Variants in B9D1 observed in about 807,000 individuals in gnomAD.
B9D1 encodes B9 domain-containing protein 1.
In B9D1, 20 loss-of-function variants were observed where a neutral mutation model predicts 26.1. The observed-to-expected ratio is 0.77, with a 90% CI of 0.54 to 1.12. B9D1 has a LOEUF of 1.12. Among genes scored for constraint, B9D1 ranks in the 50% most tolerant of loss-of-function variants. B9D1 has a pLI of 0.00. For missense variants in B9D1, 260 were observed against 273.7 expected (o/e 0.95, Z 0.35); for synonymous variants, 105 against 103.1 (o/e 1.02, Z -0.11).
At chr17:19,375,425 C>T (rs1470137130) in intron 1 of B9D1, among the ~76,000 whole-genome samples, 4 of 152,078 alleles carry the variant, frequency 2.6e-5, no homozygotes, top group Non-Finnish European at 5.9e-5. Context: ...AATGACGTAT[C>T]ACTTCACACC....
intron 3 of B9D1, among the ~76,000 whole-genome samples, chr17:19,348,950 G>A (rs543288547): frequency 6.6e-6 from 1 of 152,064 alleles, no homozygotes; most frequent in Non-Finnish European, 1.5e-5. Flanking sequence ...CCTTCCTCTG[G>A]GGGCCACGCA....
chr17:19,344,743 G>A (rs759959994), intron 5 of B9D1, among the ~76,000 whole-genome samples: 5 of 152,220 alleles, frequency 3.3e-5, no homozygotes, highest in East Asian at 3.9e-4. Context: ...GGGCACCAGC[G>A]CTCACCTGGG....
chr17:19,363,511 G>C (rs1226554380), upstream of B9D1: 1 of 152,272 alleles, frequency 6.6e-6, no homozygotes, highest in African/African-American at 2.4e-5. Flanking sequence ...GCAAAGGCAG[G>C]TAAGTAGCTA....
chr17:19,335,515 A>C, downstream of B9D1: 1 of 1,529,734 alleles, frequency 6.5e-7, no homozygotes, highest in Non-Finnish European at 8.8e-7. Context: ...GCTCAGGCTA[A>C]AGATGGGGAT....
At chr17:19,357,713 G>T in intron 3 of B9D1, 127 bp downstream of exon 3, 1 of 756,566 alleles carries the variant, frequency 1.3e-6, no homozygotes, top group Non-Finnish European at 2.4e-6. Flanking sequence ...GAACGTTGAG[G>T]GCTGCTTCAA....
downstream of B9D1, chr17:19,337,717 C>A: frequency 6.5e-7 from 1 of 1,534,758 alleles, no homozygotes. Context: ...TCTTGAAACA[C>A]TGCTATCTTT....
At chr17:19,369,421 A>G (rs772040941) in intron 1 of B9D1, among the ~76,000 whole-genome samples, 4 of 152,228 alleles carry the variant, frequency 2.6e-5, no homozygotes, top group Non-Finnish European at 5.9e-5. Flanking sequence ...AAATTGGCCA[A>G]TGCAACAATC....
chr17:19,349,832 A>G (rs1909350958), intron 3 of B9D1, among the ~76,000 whole-genome samples: 1 of 152,222 alleles, frequency 6.6e-6, no homozygotes, highest in African/African-American at 2.4e-5. Context: ...GTCCTGCCAG[A>G]AAATCTTCCC....
chr17:19,357,788 GT>G lies in B9D1; in HGVS notation c.244+51del. ...GGATGAGGCAGAGGCTGTCTTGGGGGTGCTGTGTGAAAGCTCTGCCACCCTA... is the reference window on the plus strand; with the variant it reads ...GGATGAGGCAGAGGCTGTCTTGGGGGGCTGTGTGAAAGCTCTGCCACCCTA... On this transcript the variant is annotated intron_variant, in intron 3 of 6. Coordinates refer to ENST00000261499, the MANE Select transcript of B9D1 (RefSeq NM_015681.6). 3.8e-6 allele frequency: 5 copies of G among 1,305,206 alleles called. No homozygotes were observed. In the South Asian group the frequency reaches 5.9e-5, roughly 15 times the overall value. 80.9% of individuals were successfully genotyped at this position (1,305,206 alleles called of 1,614,324 possible). A position where few individuals can be genotyped will look rare whatever the true frequency, so the allele number is the denominator to read the frequency against.
At position 19,377,228 on chromosome 17, in the gene B9D1, T is replaced by TTGAG. The variant is rs1912175423; in HGVS notation, c.-298+630_-298+631insCTCA. 2.0e-5 allele frequency among the ~76,000 whole-genome samples: 3 copies of TTGAG among 152,362 alleles called. No homozygotes were observed. In the South Asian group the frequency reaches 6.2e-4, roughly 32 times the overall value. On this transcript the variant is annotated intron_variant, in intron 1 of 5. Coordinates refer to the B9D1 transcript ENST00000477478. ...AAATTGACTTGAGACTTGTCTCAGA[T>TTGAG]ACTTGGTTCACATAGGTTTCTTTTA...
intron 3 of B9D1, among the ~76,000 whole-genome samples, chr17:19,355,005 T>C (rs1336054424): frequency 6.6e-6 from 1 of 152,172 alleles, no homozygotes; most frequent in African/African-American, 2.4e-5. Context: ...CCTTCCAATA[T>C]TGTCTCCAGC....
upstream of B9D1, chr17:19,363,060 G>C (rs1911346328): frequency 1.5e-5 from 3 of 206,292 alleles, no homozygotes; most frequent in African/African-American, 2.3e-5. Context: ...CGAGGACGCG[G>C]AGGGAGGCGC....
chr17:19,342,397 G>A (rs1908071928), downstream of B9D1, among the ~76,000 whole-genome samples: 1 of 152,152 alleles, frequency 6.6e-6, no homozygotes, highest in Admixed American at 6.5e-5. Flanking sequence ...CATGGGCGAG[G>A]CTGGGAGGTG....
intron 3 of B9D1, among the ~76,000 whole-genome samples, chr17:19,352,402 T>C (rs1367864375): frequency 1.3e-5 from 2 of 151,968 alleles, no homozygotes; most frequent in Non-Finnish European, 2.9e-5. Context: ...CGGAGTGAAG[T>C]GGCACAATCT....
downstream of B9D1, among the ~76,000 whole-genome samples, chr17:19,339,562 T>A (rs1267781370): frequency 1.3e-5 from 2 of 152,216 alleles, no homozygotes; most frequent in Non-Finnish European, 2.9e-5. Context: ...TTCATATCAT[T>A]TGCAATAGAA....
chr17:19,361,779 G>T (rs1030466762), intron 1 of B9D1, among the ~76,000 whole-genome samples: 2 of 152,208 alleles, frequency 1.3e-5, no homozygotes, highest in Non-Finnish European at 1.5e-5. Flanking sequence ...CAACAGCCTG[G>T]AAGGACAGTG....
At chr17:19,376,855 A>G (rs918134524) in intron 1 of B9D1, among the ~76,000 whole-genome samples, 1 of 151,830 alleles carries the variant, frequency 6.6e-6, no homozygotes, top group Admixed American at 6.6e-5. Flanking sequence ...AAAAAACCCT[A>G]GGTCTCCACA....
chr17:19,375,917 CA>C (rs1912077413), intron 1 of B9D1, among the ~76,000 whole-genome samples: 1 of 152,066 alleles, frequency 6.6e-6, no homozygotes, highest in African/African-American at 2.4e-5. Flanking sequence ...AAAACATGTC[CA>C]CAAAAAAACT....
rs2152276184 is a variant in B9D1 at position 19,360,349 on chromosome 17, C to T, written c.103G>A (p.Val35Met). The T allele has an allele frequency of 1.2e-6, 2 of 1,613,946 alleles. No homozygotes were observed. Among genetic ancestry groups the T allele is most frequent in the Middle Eastern group, 1.6e-4 (1 of 6,062 alleles). Residue 35 changes from valine to methionine, a missense_variant, in exon 2 of 7, where the codon GTG becomes ATG. Val to Met is a conservative substitution (Grantham distance 21). Transcript: ENST00000261499. The part of the protein sequence containing the change: ...YDDLYCKYCF[V>M]YGQDWAPTAG... ...GTGGGGGCCCAGTCCTGGCCGTACA[C>T]AAAGCAGTACTTGCAGTAGAGGTCA...
Sources: allele counts gnomAD v4.1 joint callset (sites outside exome capture counted in the v4.1 genomes callset), GRCh38; gene constraint gnomAD v4.1.1; transcripts MANE v1.5; gene names NCBI Gene and HGNC (gene_info 2026-07-23, HGNC 2026-07-21).